The following PALM variants were observed in gnomAD, a reference collection of about 807,000 sequenced individuals.
The protein encoded by PALM is paralemmin-1.
A neutral mutation model predicts 30.7 loss-of-function variants in PALM; 18 were observed. That is an observed-to-expected ratio of 0.59 (90% CI 0.41 to 0.87). The LOEUF (loss-of-function observed/expected upper bound fraction) is 0.87, where lower values mean the gene tolerates loss of function less well. Among genes scored for constraint, PALM ranks in the 40% least tolerant of loss-of-function variants. The pLI, the probability that PALM is intolerant of heterozygous loss-of-function variation, is 0.00. For synonymous variants in PALM, 286 were observed against 242.8 expected (o/e 1.18, Z -1.66); for missense variants, 529 against 555.4 (o/e 0.95, Z 0.48).
At chr19:721,568 C>T (rs1003824483) in intron 1 of PALM, among the ~76,000 whole-genome samples, 2 of 150,576 alleles carry the variant, frequency 1.3e-5, no homozygotes, top group Non-Finnish European at 3.0e-5. Flanking sequence ...GCCTGGCCTT[C>T]TTTTTTTAAT....
intron 4 of PALM, 108 bp downstream of exon 4, chr19:727,802 G>A: frequency 9.5e-7 from 1 of 1,052,934 alleles, no homozygotes; most frequent in Non-Finnish European, 1.4e-6. Context: ...TGAGGGAGAT[G>A]CGTGGACCGG....
At position 727,000 on chromosome 19, in the gene PALM, C is replaced by CCA; in HGVS notation, c.58-7_58-6insAC. On this transcript the variant is annotated splice_polypyrimidine_tract_variant and splice_region_variant and intron_variant, in intron 2 of 8. Coordinates refer to ENST00000338448, the MANE Select transcript of PALM (RefSeq NM_002579.3). Reference sequence around the variant, plus strand: ...CCCATCCCTGACCCCACCCGGCCCTCCCCACAGGAGAAGCGGAAGCGGCAG... The same window carrying CCA: ...CCCATCCCTGACCCCACCCGGCCCTCCACCCACAGGAGAAGCGGAAGCGGCAG... The CCA allele has an allele frequency of 6.9e-7, 1 of 1,446,476 alleles. No homozygotes were observed. The highest frequency in any genetic ancestry group is 9.5e-7 in the Non-Finnish European group (1 of 1,055,324). 89.6% of individuals were successfully genotyped at this position (1,446,476 alleles called of 1,614,324 possible).
intron 1 of PALM, among the ~76,000 whole-genome samples, chr19:714,748 C>T (rs1307938926): frequency 6.6e-6 from 1 of 151,968 alleles, no homozygotes; most frequent in African/African-American, 2.4e-5. Flanking sequence ...GCCCCGGGCT[C>T]ACGGGATCCT....
intron 1 of PALM, among the ~76,000 whole-genome samples, chr19:718,239 G>A (rs962276993): frequency 2.0e-5 from 3 of 152,206 alleles, no homozygotes; most frequent in African/African-American, 7.2e-5. Flanking sequence ...AGCTGCAGGG[G>A]TGCCTGGGGC....
intron 1 of PALM, among the ~76,000 whole-genome samples, chr19:716,204 G>A (rs1039793358): frequency 4.6e-5 from 7 of 152,134 alleles, no homozygotes; most frequent in Non-Finnish European, 7.3e-5. Flanking sequence ...CTGAGTTCAG[G>A]AGTTCGAGAC....
intron 1 of PALM, among the ~76,000 whole-genome samples, chr19:717,423 G>A (rs1290894136): frequency 1.3e-5 from 2 of 151,992 alleles, no homozygotes; most frequent in African/African-American, 2.4e-5. Context: ...TGTGTCTGGC[G>A]TCTCTCACTG....
chr19:736,219 G>C, intron 7 of PALM, 141 bp downstream of exon 7: 1 of 608,718 alleles, frequency 1.6e-6, no homozygotes, highest in South Asian at 2.2e-5. Flanking sequence ...GGGGGTGGCA[G>C]CTGGACCGAG....
Position 727,443 on chromosome 19 carries a change from C to T in PALM, c.139-121C>T, listed in dbSNP as rs367772683. ...CCTCAGCACTGATCCCAACCATAAC[C>T]CTGACCCCAACCTTGGTCCTGCCTC... On this transcript the variant is annotated intron_variant, in intron 3 of 8. Transcript: ENST00000338448. The T allele has an allele frequency of 6.5e-4, 501 of 771,928 alleles. 9 individuals are homozygous for T. The South Asian group carries it at 7.7e-3, about 12-fold the overall frequency. 47.8% of individuals were successfully genotyped at this position (771,928 alleles called of 1,614,324 possible). A position where few individuals can be genotyped will look rare whatever the true frequency, so the allele number is the denominator to read the frequency against.
chr19:717,409 C>G (rs1022753678), intron 1 of PALM, among the ~76,000 whole-genome samples: 2 of 152,082 alleles, frequency 1.3e-5, no homozygotes, highest in Non-Finnish European at 2.9e-5. Context: ...GCTGCGTGGC[C>G]TTCTGTGTCT....
chr19:709,641 G>A lies in PALM; in HGVS notation c.5+490G>A, dbSNP rs1234011476. Reference sequence around the variant, plus strand: ...GCGCGGGCCGGTGCCCCCCACCCCCGCCCTTCCCAAGGGCCTCCAGGGGTG... The same window carrying A: ...GCGCGGGCCGGTGCCCCCCACCCCCACCCTTCCCAAGGGCCTCCAGGGGTG... On this transcript the variant is annotated intron_variant, in intron 1 of 8. Transcript: ENST00000338448. The surrounding 1 kb of genome is among the most constrained non-coding windows in gnomAD (Gnocchi z 4.3). 2.8e-5 allele frequency among the ~76,000 whole-genome samples: 4 copies of A among 144,616 alleles called. No individual in the cohort carries two copies. Among genetic ancestry groups the A allele is most frequent in the Admixed American group, 2.7e-4 (4 of 14,688 alleles). The allele number at this position is 144,616 out of a possible 152,430, so 94.9% of individuals were successfully genotyped here. A position where few individuals can be genotyped will look rare whatever the true frequency, so the allele number is the denominator to read the frequency against.
intron 1 of PALM, among the ~76,000 whole-genome samples, chr19:711,021 T>C (rs1056034047): frequency 2.0e-5 from 3 of 152,328 alleles, no homozygotes; most frequent in South Asian, 2.1e-4. Flanking sequence ...GATTTTCCAG[T>C]CGAAGACACG....
At chr19:725,924 C>T (rs2032644791) in intron 1 of PALM, among the ~76,000 whole-genome samples, 1 of 152,190 alleles carries the variant, frequency 6.6e-6, no homozygotes, top group African/African-American at 2.4e-5. Flanking sequence ...CCTTCCTGGT[C>T]GCTAGGCAGA....
chr19:719,178 C>G (rs1016577045), intron 1 of PALM: 1 of 985,230 alleles, frequency 1.0e-6, no homozygotes, highest in African/African-American at 1.7e-5. Context: ...TCTGGAAGGA[C>G]GAGTGCGACG....
Position 740,412 on chromosome 19 carries a change from T to C in PALM, c.563T>C (p.Leu188Pro), listed in dbSNP as rs2033154203. ...AAGGTGACAGGGGAGACCAGGGTGCTGTCCAGCACCACGCTGCTCCCTCGG... is the reference window on the plus strand; with the variant it reads ...AAGGTGACAGGGGAGACCAGGGTGCCGTCCAGCACCACGCTGCTCCCTCGG... The part of the protein sequence containing the change: ...KDKVTGETRV[L>P]SSTTLLPRQP... The change falls in exon 8 of 9, where the codon CTG becomes CCG. Residue 188 changes from leucine to proline, a missense_variant. By Grantham distance (98) the Leu-to-Pro change is moderately conservative. Transcript: ENST00000338448. 2 of 1,556,748 alleles carry C rather than the reference T, an allele frequency of 1.3e-6. No homozygotes were observed. Among genetic ancestry groups the C allele is most frequent in the Non-Finnish European group, 1.7e-6 (2 of 1,150,036 alleles).
At chr19:725,829 G>A (rs112169469) in intron 1 of PALM, among the ~76,000 whole-genome samples, 2 of 152,200 alleles carry the variant, frequency 1.3e-5, no homozygotes, top group African/African-American at 2.4e-5. Context: ...CCTTCTTCCC[G>A]AAACACCCTT....
At chr19:714,922 TG>T (rs1477821274) in intron 1 of PALM, among the ~76,000 whole-genome samples, 1 of 152,158 alleles carries the variant, frequency 6.6e-6, no homozygotes, top group African/African-American at 2.4e-5. Flanking sequence ...CCCAAAGCGC[TG>T]GGAGTACACA....
chr19:740,072 A>C (rs1044141889), intron 7 of PALM, among the ~76,000 whole-genome samples: 12 of 152,236 alleles, frequency 7.9e-5, no homozygotes, highest in Non-Finnish European at 1.0e-4. Flanking sequence ...GACACAGTGC[A>C]GAGTACAGGG....
intron 7 of PALM, among the ~76,000 whole-genome samples, chr19:738,893 G>T (rs1322686473): frequency 6.6e-6 from 1 of 152,196 alleles, no homozygotes; most frequent in African/African-American, 2.4e-5. Flanking sequence ...CTATCTGGGG[G>T]GTGTGCCAGG....
intron 2 of PALM, 23 bp from the exon 3 acceptor site, chr19:726,985 A>ACGCCCCC: frequency 8.5e-6 from 8 of 945,362 alleles, no homozygotes; most frequent in East Asian, 3.1e-5. Flanking sequence ...CCCATCCCTG[A>ACGCCCCC]CCCCACCCGG....
Sources: gnomAD v4.1 joint callset for allele counts (sites outside exome capture counted in the v4.1 genomes callset) on GRCh38, gnomAD v4.1.1 for gene constraint, Gnocchi (gnomAD v3.1) non-coding constraint, MANE v1.5 for transcripts, NCBI Gene and HGNC (gene_info 2026-07-23, HGNC 2026-07-21) for gene names.